MYL4: variants seen among roughly 807,000 people sequenced by gnomAD.
MYL4 encodes atrial myosin light chain 1.
MYL4 carries 16 observed loss-of-function variants against 21.6 expected under a neutral mutation model. The ratio of observed to expected loss-of-function variants is 0.74; its 90% CI spans 0.50 to 1.12. The LOEUF (loss-of-function observed/expected upper bound fraction) is 1.12. Among genes scored for constraint, MYL4 ranks in the 50% most tolerant of loss-of-function variants. The probability of loss-of-function intolerance (pLI) is 0.00; values close to 1 mark genes in which losing one functional copy is unlikely to be tolerated. For synonymous variants in MYL4, 82 were observed against 95.7 expected, an observed-to-expected ratio of 0.86 and a Z score of 0.83; for missense variants, 249 against 252.9, an observed-to-expected ratio of 0.98 and a Z score of 0.11.
chr17:47,223,109 A>T, intron 6 of MYL4, 52 bp downstream of exon 6: 9 of 1,578,212 alleles, frequency 5.7e-6, no homozygotes, highest in Non-Finnish European at 7.8e-6. Flanking sequence ...TAGGGCCTTA[A>T]GAATAACACC....
chr17:47,221,574 C>T, intron 3 of MYL4, 108 bp from the exon 4 acceptor site: 3 of 1,324,862 alleles, frequency 2.3e-6, no homozygotes, highest in Non-Finnish European at 3.1e-6. Flanking sequence ...TGGCTGCAGC[C>T]CAAGCCCTGG....
At chr17:47,218,041 C>CAAAAAAA (rs1200148257) in intron 2 of MYL4, among the ~76,000 whole-genome samples, 2 of 61,920 alleles carry the variant, frequency 3.2e-5, no homozygotes, top group African/African-American at 5.8e-5. Flanking sequence ...AACTCCATCT[C>CAAAAAAA]AAAAAAAAAA....
chr17:47,200,160 C>G (rs947724620), upstream of MYL4, among the ~76,000 whole-genome samples: 12 of 148,212 alleles, frequency 8.1e-5, no homozygotes, highest in African/African-American at 3.0e-4. Context: ...CACACTAGAT[C>G]TAGTCACAGG....
At chr17:47,222,596 C>T (rs1332492915) in intron 5 of MYL4, 139 bp downstream of exon 5, 1 of 724,360 alleles carries the variant, frequency 1.4e-6, no homozygotes, top group African/African-American at 1.8e-5. Context: ...TGTTCTGTTC[C>T]ATCTTGTGAG....
chr17:47,217,850 A>G (rs1263806849), intron 2 of MYL4, among the ~76,000 whole-genome samples: 2 of 152,090 alleles, frequency 1.3e-5, no homozygotes, highest in East Asian at 1.9e-4. Context: ...CCTGACCAAC[A>G]TGGAGAAACC....
At chr17:47,225,693 G>A (rs1373440300), downstream of MYL4, among the ~76,000 whole-genome samples, 1 of 152,148 alleles carries the variant, frequency 6.6e-6, no homozygotes, top group African/African-American at 2.4e-5. Flanking sequence ...CCTTTGAAAT[G>A]TTTTCCAAGC....
chr17:47,209,665 G>C, intron 1 of MYL4, 108 bp downstream of exon 1: 2 of 1,552,742 alleles, frequency 1.3e-6, no homozygotes, highest in Non-Finnish European at 1.8e-6. Flanking sequence ...ATGAGGACTA[G>C]GGTGTCCATG....
upstream of MYL4, among the ~76,000 whole-genome samples, chr17:47,204,939 G>A (rs1433283790): frequency 6.6e-6 from 1 of 152,196 alleles, no homozygotes. Context: ...GAGAGAGGGT[G>A]ACAGGAACAA....
intron 2 of MYL4, among the ~76,000 whole-genome samples, chr17:47,214,883 A>G (rs767105016): frequency 6.6e-6 from 1 of 152,236 alleles, no homozygotes; most frequent in Non-Finnish European, 1.5e-5. Flanking sequence ...TAACACAAAC[A>G]GTTCTACCTC....
downstream of MYL4, among the ~76,000 whole-genome samples, chr17:47,226,587 G>A (rs1357928607): frequency 6.6e-6 from 1 of 152,224 alleles, no homozygotes; most frequent in East Asian, 1.9e-4. Flanking sequence ...ATTGAACACA[G>A]TATTAATTAA....
upstream of MYL4, among the ~76,000 whole-genome samples, chr17:47,198,192 T>A (rs2064696657): frequency 6.6e-6 from 1 of 152,170 alleles, no homozygotes; most frequent in Non-Finnish European, 1.5e-5. Flanking sequence ...GATGGTTGAA[T>A]CTGAAAAAAG....
chr17:47,223,737 T>TTG (rs140736360), downstream of MYL4: 12,907 of 151,570 alleles, frequency 0.085, 621 homozygotes, highest in African/African-American at 0.12. Context: ...TTGGTTTGCG[T>TTG]TGTGTGTGTG....
upstream of MYL4, among the ~76,000 whole-genome samples, chr17:47,199,960 C>G (rs775768808): frequency 6.6e-6 from 1 of 150,984 alleles, no homozygotes; most frequent in African/African-American, 2.4e-5. Flanking sequence ...AGGCAGGTCT[C>G]GAATTCCTGG....
chr17:47,223,806 G>C (rs1469470366), downstream of MYL4: 3 of 152,268 alleles, frequency 2.0e-5, no homozygotes, highest in Admixed American at 6.5e-5. Context: ...AGAGAAATGA[G>C]TAGTATCTGG....
intron 1 of MYL4, among the ~76,000 whole-genome samples, chr17:47,210,655 C>CT (rs2064767108): frequency 6.6e-6 from 1 of 152,154 alleles, no homozygotes; most frequent in Non-Finnish European, 1.5e-5. Context: ...TCCCTGCCCT[C>CT]TGAGAATTCC....
At chr17:47,207,594 C>A (rs2064736420), upstream of MYL4, among the ~76,000 whole-genome samples, 1 of 152,204 alleles carries the variant, frequency 6.6e-6, no homozygotes, top group African/African-American at 2.4e-5. Context: ...TCTTGCTTTA[C>A]AGGTGAGGAA....
At chr17:47,193,600 A>G in the MYL4 span, among the ~76,000 whole-genome samples, 1 of 152,006 alleles carries the variant, frequency 6.6e-6, no homozygotes, top group Non-Finnish European at 1.5e-5. Context: ...TTTCCTTTGC[A>G]GCTCCTCTGC....
chr17:47,219,060 C>T (rs1209654371), intron 2 of MYL4, among the ~76,000 whole-genome samples: 1 of 152,208 alleles, frequency 6.6e-6, no homozygotes, highest in Non-Finnish European at 1.5e-5. Context: ...ATTGTATCTC[C>T]ACTTAGAGCT....
chr17:47,204,674 A>G (rs1035693683), upstream of MYL4, among the ~76,000 whole-genome samples: 5 of 151,882 alleles, frequency 3.3e-5, no homozygotes, highest in East Asian at 3.9e-4. Flanking sequence ...GGAGGCTGCA[A>G]TGAACTATGT....
Sources: gnomAD v4.1 joint callset for allele counts (sites outside exome capture counted in the v4.1 genomes callset) on GRCh38, gnomAD v4.1.1 for gene constraint, MANE v1.5 for transcripts, NCBI Gene and HGNC (gene_info 2026-07-23, HGNC 2026-07-21) for gene names.